The following YPEL2 variants were observed in gnomAD, a reference collection of about 807,000 sequenced individuals.
YPEL2 encodes protein yippee-like 2.
In YPEL2, 2 loss-of-function variants were observed where a neutral mutation model predicts 19.1. That is an observed-to-expected ratio of 0.10 (90% CI 0.04 to 0.33). The LOEUF is 0.33. Ranked by LOEUF, YPEL2 falls within the 10% of genes least tolerant of loss-of-function variation. The probability of loss-of-function intolerance (pLI) is 1.00; values close to 1 mark genes in which losing one functional copy is unlikely to be tolerated. For synonymous variants in YPEL2, 52 were observed against 50.0 expected (o/e 1.04, Z -0.17); for missense variants, 66 against 140.7 (o/e 0.47, Z 2.68).
In YPEL2 at chr17:59,399,714, GTCTA is replaced by G. The variant is rs2048060460; in HGVS notation, c.*2529_*2532del. The G allele has an allele frequency of 6.6e-6, 1 of 152,622 alleles. No individual in the cohort carries two copies. Among genetic ancestry groups the G allele is most frequent in the South Asian group, 2.1e-4 (1 of 4,836 alleles). The allele number at this position is 152,622 out of a possible 1,614,324, so 9.5% of individuals were successfully genotyped here. A position where few individuals can be genotyped will look rare whatever the true frequency, so the allele number is the denominator to read the frequency against. On this transcript the variant is annotated 3_prime_UTR_variant, in exon 5 of 5. Coordinates refer to ENST00000312655, the MANE Select transcript of YPEL2 (RefSeq NM_001005404.4). Reference sequence around the variant, plus strand: ...ACAACGTTCGCTCTGTTCATGGGTTGTCTATCTAACATTGAGCAGCATTGGAGAG... The same window carrying G: ...ACAACGTTCGCTCTGTTCATGGGTTGTCTAACATTGAGCAGCATTGGAGAG...
At position 59,353,227 on chromosome 17, in the gene YPEL2, T is replaced by C; in HGVS notation, c.-183T>C. 1.9e-6 allele frequency: 1 copy of C among 531,450 alleles called. No homozygotes were observed. Among genetic ancestry groups the C allele is most frequent in the Non-Finnish European group, 3.3e-6 (1 of 300,598 alleles). The allele number at this position is 531,450 out of a possible 1,614,324, so 32.9% of individuals were successfully genotyped here. ...CTTGATGTTACAGGCTGCTGAGAAC[T>C]AGCCCTAGACCTCTGCGTGAGGGTT... On this transcript the variant is annotated 5_prime_UTR_variant, in exon 2 of 5. Transcript: ENST00000312655. This position sits in a 1 kb window ranked among gnomAD's most constrained non-coding sequence, Gnocchi z 4.8.
At chr17:59,362,907 T>A (rs899461367) in intron 2 of YPEL2, 3 of 152,170 alleles carry the variant, frequency 2.0e-5, no homozygotes, top group African/African-American at 7.2e-5. Context: ...CACTACTTGT[T>A]CAGTTCAATA....
rs1344717153 is a variant in YPEL2, at chr17:59,351,948, G to A, written c.-195-1267G>A. On this transcript the variant is annotated intron_variant, in intron 1 of 4. Transcript: ENST00000312655. ...GTATAAAGTGTCCCAGAAGTATGGCGGCCTCAGTGACTGTTTTGGTGGGAA... is the reference window on the plus strand; with the variant it reads ...GTATAAAGTGTCCCAGAAGTATGGCAGCCTCAGTGACTGTTTTGGTGGGAA... 3.9e-5 allele frequency among the ~76,000 whole-genome samples: 6 copies of A among 152,116 alleles called. No homozygotes were observed. In the East Asian group the frequency reaches 5.8e-4, roughly 15 times the overall value.
rs1326397341 is a variant in YPEL2, at chr17:59,388,389, T to TA, written c.161+20dup. ...ACTCAGTGTGAGTGCCTCTGAATGG[T>TA]ACATTCCTTGTGGGGTACAGATTCG... On this transcript the variant is annotated intron_variant, in intron 3 of 4. Coordinates refer to ENST00000312655, the MANE Select transcript of YPEL2 (RefSeq NM_001005404.4). 3 of 1,612,898 alleles carry TA rather than the reference T, an allele frequency of 1.9e-6. No homozygotes were observed. Among genetic ancestry groups the TA allele is most frequent in the Non-Finnish European group, 2.5e-6 (3 of 1,178,962 alleles).
At chr17:59,346,169 C>T (rs1470326060) in intron 1 of YPEL2, among the ~76,000 whole-genome samples, 3 of 152,194 alleles carry the variant, frequency 2.0e-5, no homozygotes, top group Non-Finnish European at 4.4e-5. Context: ...AAGTAGCTTG[C>T]CTCCTCCTTT....
Position 59,397,177 on chromosome 17 carries a change from A to G in YPEL2, c.347A>G (p.Asn116Ser), listed in dbSNP as rs778022524. 6.2e-7 allele frequency: 1 copy of G among 1,611,656 alleles called. No individual in the cohort carries two copies. Among genetic ancestry groups the G allele is most frequent in the Non-Finnish European group, 8.5e-7 (1 of 1,178,972 alleles). The change falls in exon 5 of 5, where the codon AAT (asparagine) becomes AGT (serine). Residue 116 changes from asparagine to serine, a missense_variant. Asn to Ser is a conservative substitution (Grantham distance 46). Transcript: ENST00000312655. ...IIELAHMIKD[N>S]GWD ...GAACTAGCACACATGATCAAGGACA[A>G]TGGCTGGGACTGATTGGACAGCATC...
chr17:59,370,437 G>T (rs1031121763), intron 2 of YPEL2, among the ~76,000 whole-genome samples: 1 of 152,086 alleles, frequency 6.6e-6, no homozygotes, highest in Non-Finnish European at 1.5e-5. Flanking sequence ...GCAGCAAAAC[G>T]GTCTGTCATA....
At chr17:59,362,144 A>G (rs2047844200) in intron 2 of YPEL2, among the ~76,000 whole-genome samples, 1 of 151,792 alleles carries the variant, frequency 6.6e-6, no homozygotes, top group Admixed American at 6.6e-5. Context: ...TGAGGAAGAG[A>G]CTAGAATGGG....
intron 2 of YPEL2, among the ~76,000 whole-genome samples, chr17:59,373,922 T>C (rs1175439639): frequency 1.3e-5 from 2 of 152,266 alleles, no homozygotes; most frequent in Non-Finnish European, 2.9e-5. Context: ...GGTCATCTGA[T>C]GAGCAGAAAA....
intron 1 of YPEL2, among the ~76,000 whole-genome samples, chr17:59,349,385 A>T (rs1444507406): frequency 4.2e-5 from 5 of 120,094 alleles, no homozygotes; most frequent in Admixed American, 2.0e-4. Context: ...TTTTGTTGAG[A>T]CGGAGTCTCG....
intron 2 of YPEL2, among the ~76,000 whole-genome samples, chr17:59,381,054 G>A (rs2047946580): frequency 6.6e-6 from 1 of 152,232 alleles, no homozygotes; most frequent in African/African-American, 2.4e-5. Flanking sequence ...TTTACTTTGT[G>A]CTTCATTGAC....
In YPEL2 at chr17:59,341,295, G is replaced by A. The variant is rs192877363; in HGVS notation, c.-196+9471G>A. Among the ~76,000 whole-genome samples, 411 of 152,246 alleles carry A rather than the reference G, an allele frequency of 2.7e-3. 12 individuals carry two copies. The highest frequency in any genetic ancestry group is 0.016 in the Admixed American group (249 of 15,306). ...TAGTCCCAGCTACTCGGGAGGCTGA[G>A]GCAGGAGAATCGCTTGAACCCGGGA... On this transcript the variant is annotated intron_variant, in intron 1 of 4. Transcript: ENST00000312655.
intron 2 of YPEL2, among the ~76,000 whole-genome samples, chr17:59,376,813 G>T (rs140793006): frequency 6.6e-6 from 1 of 151,928 alleles, no homozygotes; most frequent in African/African-American, 2.4e-5. Context: ...GTCAGGCGTG[G>T]TGGTGGGCGC....
chr17:59,345,571 G>T (rs1263218935), intron 1 of YPEL2, among the ~76,000 whole-genome samples: 1 of 152,134 alleles, frequency 6.6e-6, no homozygotes. Context: ...AGTGGTCTGT[G>T]TTAGGAATGA....
At chr17:59,368,279 T>C (rs1297191172) in intron 2 of YPEL2, among the ~76,000 whole-genome samples, 1 of 152,162 alleles carries the variant, frequency 6.6e-6, no homozygotes, top group Non-Finnish European at 1.5e-5. Flanking sequence ...AGATGAGGTT[T>C]CTCCATATTG....
rs146083930 is a variant in YPEL2 at position 59,337,183 on chromosome 17, C to CTTT, written c.-196+5366_-196+5368dup. On this transcript the variant is annotated intron_variant, in intron 1 of 4. Coordinates refer to ENST00000312655, the MANE Select transcript of YPEL2 (RefSeq NM_001005404.4). ...CTTTAAGAAGTTCATGGGAGAAATT[C>CTTT]TTTTTTTTTGTTTTTTTTGTTTGAG... Among the ~76,000 whole-genome samples the CTTT allele has an allele frequency of 1.9e-4, 26 of 136,484 alleles. 1 individual carries two copies. The highest frequency in any genetic ancestry group is 2.0e-4 in the African/African-American group (7 of 35,334). 89.5% of individuals were successfully genotyped at this position (136,484 alleles called of 152,430 possible). A position where few individuals can be genotyped will look rare whatever the true frequency, so the allele number is the denominator to read the frequency against.
Position 59,353,273 on chromosome 17 carries a change from A to G in YPEL2, c.-137A>G. On this transcript the variant is annotated 5_prime_UTR_variant, in exon 2 of 5. Transcript: ENST00000312655. This position sits in a 1 kb window ranked among gnomAD's most constrained non-coding sequence, Gnocchi z 4.8. ...GGGTTCTTCTGCCGAAGACATCACC[A>G]GTGTGTGGAGCCTGCCACACCCACC... The G allele has an allele frequency of 1.6e-6, 1 of 632,492 alleles. No homozygotes were observed. The highest frequency in any genetic ancestry group is 2.8e-6 in the Non-Finnish European group (1 of 355,888). The allele number at this position is 632,492 out of a possible 1,614,324, so 39.2% of individuals were successfully genotyped here.
chr17:59,389,396 G>T lies in YPEL2; in HGVS notation c.198G>T (p.Val66=), dbSNP rs750335791. 8.7e-6 allele frequency: 14 copies of T among 1,614,098 alleles called. No homozygotes were observed. Among genetic ancestry groups the T allele is most frequent in the Non-Finnish European group, 1.2e-5 (14 of 1,180,028 alleles). The part of the protein sequence containing the change: ...NVGCGPAEER[V]LLTGLHAVAD... ...GCTGTGGGCCTGCAGAAGAGCGAGT[G>T]TTGCTAACAGGACTGCATGCAGTCG... The change falls in exon 4 of 5, where the codon GTG becomes GTT. Residue 66 remains valine (V), a synonymous_variant. Coordinates refer to ENST00000312655, the MANE Select transcript of YPEL2 (RefSeq NM_001005404.4).
intron 4 of YPEL2, among the ~76,000 whole-genome samples, chr17:59,394,852 T>C (rs375683495): frequency 4.1e-4 from 63 of 152,334 alleles, no homozygotes; most frequent in African/African-American, 9.1e-4. Flanking sequence ...CTCGGGAGGC[T>C]GAGGCTGGCG....
Sources: gnomAD v4.1 joint callset for allele counts (sites outside exome capture counted in the v4.1 genomes callset) on GRCh38, gnomAD v4.1.1 for gene constraint, Gnocchi (gnomAD v3.1) non-coding constraint, MANE v1.5 for transcripts, NCBI Gene and HGNC (gene_info 2026-07-23, HGNC 2026-07-21) for gene names.